PLAAT5: variants seen among roughly 807,000 people sequenced by gnomAD.
PLAAT5 encodes the protein phospholipase A and acyltransferase 5.
In PLAAT5, 27 loss-of-function variants were observed where a neutral mutation model predicts 27.8. The observed-to-expected ratio is 0.97, with a 90% CI of 0.72 to 1.34. PLAAT5 has a LOEUF of 1.34. Among genes scored for constraint, PLAAT5 ranks in the 40% most tolerant of loss-of-function variants. PLAAT5 has a pLI of 0.00. For missense variants in PLAAT5, 368 were observed against 343.8 expected (o/e 1.07, Z -0.56); for synonymous variants, 125 against 136.1 (o/e 0.92, Z 0.57).
intron 3 of PLAAT5, among the ~76,000 whole-genome samples, chr11:63,478,307 T>G (rs1446207708): frequency 6.6e-6 from 1 of 151,654 alleles, no homozygotes; most frequent in African/African-American, 2.4e-5. Context: ...CTGTTCTTTC[T>G]GAGAACCAAT....
chr11:63,481,603 G>A (rs1228822206), intron 3 of PLAAT5, among the ~76,000 whole-genome samples: 2 of 152,090 alleles, frequency 1.3e-5, no homozygotes, highest in East Asian at 1.9e-4. Flanking sequence ...ATTTTCTAAG[G>A]CCTCCTATCT....
Position 63,490,962 on chromosome 11 carries a change from G to C in PLAAT5, c.73C>G (p.Pro25Ala). The C allele has an allele frequency of 6.3e-7, 1 of 1,592,092 alleles. No individual in the cohort carries two copies. Residue 25 changes from proline (P) to alanine (A), a missense_variant, in exon 1 of 6, where the codon CCC becomes GCC. Physicochemically the swap from Pro to Ala is conservative, Grantham distance 27. Coordinates refer to ENST00000540857, the MANE Select transcript of PLAAT5 (RefSeq NM_001146729.2). ...LPRIPPPLPK[P>A]ASRTASTGPK... is the part of the protein sequence containing the mutation. ...CCGGTACTGGCGGTTCGCGAGGCGG[G>C]TTTGGGGAGGGGTGGGGGAATCCTA...
intron 5 of PLAAT5, 122 bp from the exon 6 acceptor site, chr11:63,463,717 A>C (rs2015780523): frequency 6.7e-6 from 5 of 741,244 alleles, no homozygotes; most frequent in Non-Finnish European, 9.5e-6. Flanking sequence ...CCAAGAGAAG[A>C]AGCAGTCCAT....
At position 63,462,225 on chromosome 11, in the gene PLAAT5, A is replaced by C. The variant is rs1353963259; in HGVS notation, c.*1278T>G. ...AGGTTCTGCTTCCAAGGAAGTCTCAACCTAGACCATATAATGAATAGAGAC... is the reference window on the plus strand; with the variant it reads ...AGGTTCTGCTTCCAAGGAAGTCTCACCCTAGACCATATAATGAATAGAGAC... On this transcript the variant is annotated 3_prime_UTR_variant, in exon 6 of 6. Coordinates refer to ENST00000540857, the MANE Select transcript of PLAAT5 (RefSeq NM_001146729.2). The C allele has an allele frequency of 6.6e-6, 1 of 152,238 alleles. No individual in the cohort carries two copies. Among genetic ancestry groups the C allele is most frequent in the Non-Finnish European group, 1.5e-5 (1 of 68,046 alleles). The allele number at this position is 152,238 out of a possible 1,614,324, so 9.4% of individuals were successfully genotyped here. A position where few individuals can be genotyped will look rare whatever the true frequency, so the allele number is the denominator to read the frequency against.
At chr11:63,475,927 A>G (rs1453255055) in intron 3 of PLAAT5, among the ~76,000 whole-genome samples, 4 of 152,124 alleles carry the variant, frequency 2.6e-5, no homozygotes, top group Admixed American at 6.5e-5. Context: ...TTATTGTCAG[A>G]TATATTACAT....
intron 3 of PLAAT5, among the ~76,000 whole-genome samples, chr11:63,485,495 C>A (rs1008693139): frequency 2.0e-5 from 3 of 151,892 alleles, no homozygotes; most frequent in Admixed American, 2.0e-4. Context: ...CAACTGTCTT[C>A]AACAAAGCAA....
chr11:63,463,230 G>A lies in PLAAT5; in HGVS notation c.*273C>T. 1 of 403,574 alleles carries A rather than the reference G, an allele frequency of 2.5e-6. No homozygotes were observed. 25.0% of individuals were successfully genotyped at this position (403,574 alleles called of 1,614,324 possible). On this transcript the variant is annotated 3_prime_UTR_variant, in exon 6 of 6. Coordinates refer to ENST00000540857, the MANE Select transcript of PLAAT5 (RefSeq NM_001146729.2). ...CAAGCAAGGTCCCATCCTACAAAGA[G>A]AGTGAAATTAGATCCGTATATGAAA...
At chr11:63,490,713 T>C (rs1292257313) in intron 1 of PLAAT5, among the ~76,000 whole-genome samples, 174 bp downstream of exon 1, 1 of 152,226 alleles carries the variant, frequency 6.6e-6, no homozygotes, top group African/African-American at 2.4e-5. Flanking sequence ...AGTGGCTGCC[T>C]GGCTCGCTTT....
At chr11:63,470,613 T>C (rs1438540396) in intron 3 of PLAAT5, 1 of 154,340 alleles carries the variant, frequency 6.5e-6, no homozygotes, top group East Asian at 1.9e-4. Flanking sequence ...AGCCTTTAAA[T>C]GGATGTCACA....
intron 3 of PLAAT5, among the ~76,000 whole-genome samples, chr11:63,480,380 G>C (rs546847830): frequency 6.6e-6 from 1 of 152,280 alleles, no homozygotes; most frequent in East Asian, 1.9e-4. Flanking sequence ...AAAACAGAAG[G>C]CTCAGGGATT....
At position 63,463,432 on chromosome 11, in the gene PLAAT5, G is replaced by A. The variant is rs1393374929; in HGVS notation, c.*71C>T. 7 of 1,163,156 alleles carry A rather than the reference G, an allele frequency of 6.0e-6. No homozygotes were observed. The highest frequency in any genetic ancestry group is 9.0e-6 in the Non-Finnish European group (7 of 777,358). 72.1% of individuals were successfully genotyped at this position (1,163,156 alleles called of 1,614,324 possible). A position where few individuals can be genotyped will look rare whatever the true frequency, so the allele number is the denominator to read the frequency against. ...TTCTTAATCGGAGCCATTGAGAGAAGGCAAGGGAAGGAAGCATGTTCTTTT... is the reference window on the plus strand; with the variant it reads ...TTCTTAATCGGAGCCATTGAGAGAAAGCAAGGGAAGGAAGCATGTTCTTTT... On this transcript the variant is annotated 3_prime_UTR_variant, in exon 6 of 6. Transcript: ENST00000540857.
At chr11:63,484,003 A>G (rs1289488032) in intron 3 of PLAAT5, among the ~76,000 whole-genome samples, 1 of 150,058 alleles carries the variant, frequency 6.7e-6, no homozygotes, top group Non-Finnish European at 1.5e-5. Flanking sequence ...AATACAAAAG[A>G]TCATTCACAC....
intron 4 of PLAAT5, 145 bp downstream of exon 4, chr11:63,468,212 T>A (rs1295719088): frequency 1.5e-6 from 1 of 657,194 alleles, no homozygotes; most frequent in Non-Finnish European, 2.7e-6. Flanking sequence ...CCAAGCTCTG[T>A]CACACAGTAA....
Position 63,489,156 on chromosome 11 carries a change from G to T in PLAAT5, c.240-180C>A, listed in dbSNP as rs192333345. On this transcript the variant is annotated intron_variant, in intron 2 of 5. Coordinates refer to ENST00000540857, the MANE Select transcript of PLAAT5 (RefSeq NM_001146729.2). ...CATACAAAAGAATTGCTGTTTGCTG[G>T]TTTTCTGACAATTGTTCAAATGCTA... Among the ~76,000 whole-genome samples, 23 of 152,228 alleles carry T rather than the reference G, an allele frequency of 1.5e-4. 1 individual carries two copies. Among genetic ancestry groups the T allele is most frequent in the Admixed American group, 1.1e-3 (17 of 15,284 alleles).
chr11:63,465,477 T>C (rs1781354750), intron 5 of PLAAT5, among the ~76,000 whole-genome samples: 2 of 151,646 alleles, frequency 1.3e-5, no homozygotes, highest in Non-Finnish European at 2.9e-5. Flanking sequence ...TGCTTCTGCT[T>C]ATCCCTGCTT....
chr11:63,489,790 G>GA (rs538574402), intron 2 of PLAAT5, among the ~76,000 whole-genome samples: 4 of 152,106 alleles, frequency 2.6e-5, no homozygotes, highest in East Asian at 1.9e-4. Context: ...CTCTTCTCCA[G>GA]AAAAAAATAG....
chr11:63,465,324 T>C (rs1318135308), intron 5 of PLAAT5, among the ~76,000 whole-genome samples: 2 of 152,120 alleles, frequency 1.3e-5, no homozygotes, highest in African/African-American at 2.4e-5. Flanking sequence ...CATCTTTTTA[T>C]ATAAAATTTC....
intron 3 of PLAAT5, among the ~76,000 whole-genome samples, chr11:63,481,939 GA>G (rs1351704617): frequency 1.3e-5 from 2 of 152,138 alleles, no homozygotes; most frequent in African/African-American, 4.8e-5. Flanking sequence ...ATAGAATTAG[GA>G]GACATACCTA....
At chr11:63,486,695 C>A (rs1390025609) in intron 3 of PLAAT5, among the ~76,000 whole-genome samples, 1 of 152,120 alleles carries the variant, frequency 6.6e-6, no homozygotes, top group African/African-American at 2.4e-5. Flanking sequence ...TAAAAGACTA[C>A]ACATTGAGTA....
Sources: gnomAD v4.1 joint callset for allele counts (sites outside exome capture counted in the v4.1 genomes callset) on GRCh38, gnomAD v4.1.1 for gene constraint, MANE v1.5 for transcripts, NCBI Gene and HGNC (gene_info 2026-07-23, HGNC 2026-07-21) for gene names.